CADM2: variants seen among roughly 807,000 people sequenced by gnomAD.
CADM2 encodes the protein cell adhesion molecule 2.
A neutral mutation model predicts 49.8 loss-of-function variants in CADM2; 12 were observed. The ratio of observed to expected loss-of-function variants is 0.24; its 90% CI spans 0.15 to 0.39. CADM2 has a LOEUF of 0.39. Ranked by LOEUF, CADM2 falls within the 10% of genes least tolerant of loss-of-function variation. The pLI is 1.00. For missense variants in CADM2, 378 were observed against 492.3 expected, an observed-to-expected ratio of 0.77 and a Z score of 2.20; for synonymous variants, 214 against 175.4, an observed-to-expected ratio of 1.22 and a Z score of -1.74.
At chr3:85,880,363 G>A (rs953823793) in intron 3 of CADM2, among the ~76,000 whole-genome samples, 15 of 151,970 alleles carry the variant, frequency 9.9e-5, no homozygotes, top group Admixed American at 9.8e-4. Context: ...CTCAGGAGAA[G>A]GGTAGTCCAT....
intron 1 of CADM2, among the ~76,000 whole-genome samples, chr3:85,063,454 C>G (rs2036411180): frequency 6.6e-6 from 1 of 151,926 alleles, no homozygotes; most frequent in South Asian, 2.1e-4. Context: ...ATGCCATGTA[C>G]TAAATGTCAT....
chr3:85,007,877 G>A (rs2033812818), intron 1 of CADM2, among the ~76,000 whole-genome samples: 1 of 152,254 alleles, frequency 6.6e-6, no homozygotes, highest in South Asian at 2.1e-4. Context: ...AATCACTTCT[G>A]TTAAGAACTG....
chr3:85,532,137 A>G (rs1431636928), intron 1 of CADM2, among the ~76,000 whole-genome samples: 3 of 152,182 alleles, frequency 2.0e-5, no homozygotes, highest in African/African-American at 7.2e-5. Context: ...AGATCCCGCC[A>G]TTGCACTCTA....
At chr3:86,030,563 G>A (rs1279740447) in intron 8 of CADM2, among the ~76,000 whole-genome samples, 1 of 151,724 alleles carries the variant, frequency 6.6e-6, no homozygotes, top group Non-Finnish European at 1.5e-5. Flanking sequence ...ATGTTAAATT[G>A]GTTTACTGAT....
At chr3:84,990,142 C>T (rs1226995803) in intron 1 of CADM2, among the ~76,000 whole-genome samples, 1 of 151,544 alleles carries the variant, frequency 6.6e-6, no homozygotes, top group Non-Finnish European at 1.5e-5. Context: ...GAATATAATT[C>T]TATCCATTAA....
Position 85,809,790 on chromosome 3 carries a change from C to CTCTCTCTCTT in CADM2, c.238+7597_238+7598insCTCTCTTTCT, listed in dbSNP as rs1553690315. 2.1e-3 allele frequency among the ~76,000 whole-genome samples: 205 copies of CTCTCTCTCTT among 98,946 alleles called. 22 individuals are homozygous for CTCTCTCTCTT. Among genetic ancestry groups the CTCTCTCTCTT allele is most frequent in the African/African-American group, 8.3e-3 (181 of 21,718 alleles). The allele number at this position is 98,946 out of a possible 152,430, so 64.9% of individuals were successfully genotyped here. A position where few individuals can be genotyped will look rare whatever the true frequency, so the allele number is the denominator to read the frequency against. Reference sequence around the variant, plus strand: ...TCTCTCTCTCTCTCTCTCTCTCTCTCTCTTTCTTTCTTTCTTTCTTTCTGT... The same window carrying CTCTCTCTCTT: ...TCTCTCTCTCTCTCTCTCTCTCTCTCTCTCTCTCTTTCTTTCTTTCTTTCTTTCTTTCTGT... On this transcript the variant is annotated intron_variant, in intron 3 of 9. Transcript: ENST00000383699.
At chr3:84,989,472 C>G (rs1219450342) in intron 1 of CADM2, among the ~76,000 whole-genome samples, 2 of 151,952 alleles carry the variant, frequency 1.3e-5, no homozygotes, top group Admixed American at 1.3e-4. Flanking sequence ...AATGAGCAAA[C>G]TCTCTCTCTT....
intron 8 of CADM2, among the ~76,000 whole-genome samples, chr3:86,000,679 A>C (rs1181711406): frequency 2.7e-5 from 4 of 150,556 alleles, no homozygotes; most frequent in Non-Finnish European, 5.9e-5. Flanking sequence ...TGAGTGGAAC[A>C]GAAAGAAAAA....
intron 1 of CADM2, among the ~76,000 whole-genome samples, chr3:84,983,851 T>C (rs1460768505): frequency 6.6e-6 from 1 of 152,162 alleles, no homozygotes; most frequent in Non-Finnish European, 1.5e-5. Context: ...GGGCTTTAAA[T>C]AATATATTTA....
intron 1 of CADM2, among the ~76,000 whole-genome samples, chr3:85,333,677 C>T (rs143464256): frequency 1.1e-3 from 164 of 151,928 alleles, no homozygotes; most frequent in Non-Finnish European, 2.1e-3. Flanking sequence ...ATAGTTTTCA[C>T]ATGGCCTTCC....
chr3:84,994,707 A>T (rs181608340), intron 1 of CADM2, among the ~76,000 whole-genome samples: 2 of 152,314 alleles, frequency 1.3e-5, no homozygotes, highest in East Asian at 3.9e-4. Context: ...TTTTGGATAT[A>T]CATAAAATTT....
chr3:85,010,291 C>G (rs1001162322), intron 1 of CADM2, among the ~76,000 whole-genome samples: 3 of 152,100 alleles, frequency 2.0e-5, no homozygotes, highest in African/African-American at 7.2e-5. Context: ...AGCACAAAAA[C>G]TATTAAACCA....
intron 1 of CADM2, among the ~76,000 whole-genome samples, chr3:84,986,069 A>G (rs1189096380): frequency 6.6e-6 from 1 of 152,240 alleles, no homozygotes; most frequent in African/African-American, 2.4e-5. Flanking sequence ...GCAACACTAA[A>G]TAAAAAGTCA....
chr3:85,434,673 C>T (rs1197759127), intron 1 of CADM2, among the ~76,000 whole-genome samples: 2 of 152,034 alleles, frequency 1.3e-5, no homozygotes, highest in Non-Finnish European at 2.9e-5. Context: ...CTACGTATTT[C>T]TGATAATATT....
chr3:85,601,620 T>C (rs986407987), intron 1 of CADM2, among the ~76,000 whole-genome samples: 3 of 151,586 alleles, frequency 2.0e-5, no homozygotes, highest in Non-Finnish European at 4.4e-5. Context: ...TTTAGGCTAA[T>C]TTACACTATT....
intron 7 of CADM2, 73 bp from the exon 8 acceptor site, chr3:85,961,396 A>G: frequency 7.8e-7 from 1 of 1,280,896 alleles, no homozygotes; most frequent in Non-Finnish European, 1.1e-6. Flanking sequence ...ATATTAAAAA[A>G]TTGATTTACT....
chr3:85,210,449 G>A (rs1315791363), intron 1 of CADM2, among the ~76,000 whole-genome samples: 1 of 152,054 alleles, frequency 6.6e-6, no homozygotes, highest in East Asian at 1.9e-4. Flanking sequence ...TTTGATGTCT[G>A]TTTGGTTTTG....
Position 85,508,837 on chromosome 3 carries a change from A to ATG in CADM2, c.62-217659_62-217658dup, listed in dbSNP as rs10524905. 2.0e-3 allele frequency among the ~76,000 whole-genome samples: 305 copies of ATG among 150,030 alleles called. 2 individuals carry two copies. Among genetic ancestry groups the ATG allele is most frequent in the South Asian group, 0.01 (49 of 4,728 alleles). On this transcript the variant is annotated intron_variant, in intron 1 of 9. Coordinates refer to ENST00000383699, the MANE Select transcript of CADM2 (RefSeq NM_001167675.2). ...CCTGAAAGGATATCTCTGTGTGTGT[A>ATG]TGTGTGTGTGTGTGTGTGTGTGTGT...
chr3:85,290,520 T>C (rs1280002645), intron 1 of CADM2, among the ~76,000 whole-genome samples: 2 of 152,176 alleles, frequency 1.3e-5, no homozygotes, highest in East Asian at 3.9e-4. Context: ...CAGTAACCTC[T>C]GCAGACTTAA....
Sources: gnomAD v4.1 joint callset for allele counts (sites outside exome capture counted in the v4.1 genomes callset) on GRCh38, gnomAD v4.1.1 for gene constraint, MANE v1.5 for transcripts, NCBI Gene and HGNC (gene_info 2026-07-23, HGNC 2026-07-21) for gene names.